Variants in NCOA1 observed in about 807,000 individuals in gnomAD.
NCOA1 encodes Hin-2 protein.
Under a neutral mutation model 150.9 loss-of-function variants are expected in NCOA1, and 35 were observed. The observed-to-expected ratio is 0.23, with a 90% CI of 0.18 to 0.31. The LOEUF (loss-of-function observed/expected upper bound fraction) is 0.31, where lower values mean the gene tolerates loss of function less well. NCOA1 is among the 10% of genes least tolerant of loss of function. The pLI, the probability that NCOA1 is intolerant of heterozygous loss-of-function variation, is 1.00. For synonymous variants in NCOA1, 590 were observed against 630.0 expected (o/e 0.94, Z 0.95); for missense variants, 1,491 against 1,749.3 (o/e 0.85, Z 2.63).
intron 14 of NCOA1, among the ~76,000 whole-genome samples, chr2:24,725,549 C>T (rs1674572091): frequency 6.6e-6 from 1 of 152,102 alleles, no homozygotes; most frequent in Non-Finnish European, 1.5e-5. Flanking sequence ...TAGTCACATT[C>T]TGAGATACCA....
At chr2:24,662,713 A>G (rs1381656119) in intron 5 of NCOA1, among the ~76,000 whole-genome samples, 1 of 152,128 alleles carries the variant, frequency 6.6e-6, no homozygotes, top group Non-Finnish European at 1.5e-5. Context: ...AAGCTTAGAA[A>G]AGTTAACTTT....
At chr2:24,568,902 T>G (rs558887182) in intron 2 of NCOA1, among the ~76,000 whole-genome samples, 2 of 152,248 alleles carry the variant, frequency 1.3e-5, no homozygotes, top group African/African-American at 2.4e-5. Context: ...TGTTTATCAC[T>G]GAAAAATCAC....
intron 4 of NCOA1, among the ~76,000 whole-genome samples, chr2:24,653,752 A>G (rs1240446565): frequency 1.3e-5 from 2 of 152,156 alleles, no homozygotes; most frequent in African/African-American, 2.4e-5. Flanking sequence ...AAATTCTTAG[A>G]TGGACATAAC....
chr2:24,738,452 C>A (rs1337524974), intron 17 of NCOA1, among the ~76,000 whole-genome samples: 1 of 152,072 alleles, frequency 6.6e-6, no homozygotes, highest in Non-Finnish European at 1.5e-5. Flanking sequence ...AAGAATACTT[C>A]TTTTGTTACC....
chr2:24,704,780 A>AGG, intron 11 of NCOA1, among the ~76,000 whole-genome samples: 2 of 152,074 alleles, frequency 1.3e-5, no homozygotes, highest in Admixed American at 1.3e-4. Flanking sequence ...CTCAAAAGAA[A>AGG]AAAAAAAAAA....
intron 2 of NCOA1, among the ~76,000 whole-genome samples, chr2:24,576,977 T>C (rs570177451): frequency 6.6e-6 from 1 of 152,352 alleles, no homozygotes; most frequent in East Asian, 1.9e-4. Flanking sequence ...GACCCATACT[T>C]ATTTGCTTTT....
rs1396824185 is a variant in NCOA1 at position 24,635,608 on chromosome 2, AG to A, written c.-174-8357del. Among the ~76,000 whole-genome samples, 11 of 152,324 alleles carry A rather than the reference AG, an allele frequency of 7.2e-5. No individual in the cohort carries two copies. In the East Asian group the frequency reaches 2.1e-3, roughly 29 times the overall value. ...TTTCTTGGAAGTCAAATAATAAGAG[AG>A]AACCTAGGTTTGTGGATGACTATCT... On this transcript the variant is annotated intron_variant, in intron 3 of 22. Coordinates refer to ENST00000348332, the MANE Select transcript of NCOA1 (RefSeq NM_003743.5).
chr2:24,658,941 C>T, intron 5 of NCOA1, 175 bp downstream of exon 5: 1 of 584,246 alleles, frequency 1.7e-6, no homozygotes, highest in South Asian at 2.1e-5. Flanking sequence ...CTCAATCCAG[C>T]TTGCTTCCTC....
chr2:24,727,035 G>A (rs4508555), intron 15 of NCOA1, among the ~76,000 whole-genome samples: 22,516 of 151,066 alleles, frequency 0.15, 2,034 homozygotes, highest in Non-Finnish European at 0.21. Flanking sequence ...CTACTCAGGA[G>A]GCTGAGGCAG....
chr2:24,697,636 T>C (rs761556168), intron 10 of NCOA1, 22 bp from the exon 11 acceptor site: 8 of 1,583,838 alleles, frequency 5.1e-6, no homozygotes, highest in Admixed American at 3.5e-5. Flanking sequence ...GTTATAAATA[T>C]AAACTTTCAT....
intron 3 of NCOA1, among the ~76,000 whole-genome samples, chr2:24,599,231 A>G (rs1668006661): frequency 6.6e-6 from 1 of 152,234 alleles, no homozygotes; most frequent in African/African-American, 2.4e-5. Context: ...TGACTCAGAT[A>G]TTCTGTGGGG....
At chr2:24,736,658 G>A (rs898769098) in intron 17 of NCOA1, among the ~76,000 whole-genome samples, 17 of 152,196 alleles carry the variant, frequency 1.1e-4, no homozygotes, top group Admixed American at 9.2e-4. Flanking sequence ...AAGAATTTGT[G>A]CAGTAGCTAG....
chr2:24,591,460 A>G (rs1667654198), intron 3 of NCOA1, among the ~76,000 whole-genome samples: 1 of 152,234 alleles, frequency 6.6e-6, no homozygotes, highest in African/African-American at 2.4e-5. Flanking sequence ...AATAAAGTGT[A>G]GTAACTCTTA....
chr2:24,553,470 G>A (rs769492843), intron 1 of NCOA1, among the ~76,000 whole-genome samples: 1 of 152,038 alleles, frequency 6.6e-6, no homozygotes, highest in Non-Finnish European at 1.5e-5. Context: ...CTGCCCACTC[G>A]GCCTCCCAAA....
intron 3 of NCOA1, among the ~76,000 whole-genome samples, chr2:24,596,433 A>C (rs1667888535): frequency 1.3e-5 from 2 of 152,180 alleles, no homozygotes; most frequent in Non-Finnish European, 2.9e-5. Context: ...GTAGTCTCAC[A>C]GAGTTATGAA....
intron 1 of NCOA1, among the ~76,000 whole-genome samples, chr2:24,500,165 A>G (rs1163781326): frequency 2.6e-5 from 4 of 151,800 alleles, no homozygotes; most frequent in Non-Finnish European, 4.4e-5. Flanking sequence ...CTGGAGTGCA[A>G]TGGCGCGATC....
intron 1 of NCOA1, among the ~76,000 whole-genome samples, chr2:24,535,238 T>G (rs901129871): frequency 9.2e-5 from 14 of 152,196 alleles, no homozygotes; most frequent in African/African-American, 2.2e-4. Context: ...TTTGTTGGTT[T>G]AAAGTCTGTT....
At chr2:24,576,888 A>G (rs1427216737) in intron 2 of NCOA1, among the ~76,000 whole-genome samples, 1 of 152,150 alleles carries the variant, frequency 6.6e-6, no homozygotes, top group Non-Finnish European at 1.5e-5. Context: ...AGGGTAGTTG[A>G]TCAAGAATTA....
chr2:24,733,889 T>C (rs1663150164), intron 17 of NCOA1, among the ~76,000 whole-genome samples: 1 of 149,902 alleles, frequency 6.7e-6, no homozygotes, highest in Non-Finnish European at 1.5e-5. Flanking sequence ...GAAAATTAAT[T>C]AAAAATACAT....
Sources: gnomAD v4.1 joint callset for allele counts (sites outside exome capture counted in the v4.1 genomes callset) on GRCh38, gnomAD v4.1.1 for gene constraint, MANE v1.5 for transcripts, NCBI Gene and HGNC (gene_info 2026-07-23, HGNC 2026-07-21) for gene names.